The following ANP32A variants were observed in gnomAD, a reference collection of about 807,000 sequenced individuals.
ANP32A encodes the protein acidic leucine-rich nuclear phosphoprotein 32 family member A.
In ANP32A, 1 loss-of-function variant was observed where a neutral mutation model predicts 33.9. The ratio of observed to expected loss-of-function variants is 0.03; its 90% CI spans 0.01 to 0.14. ANP32A has a LOEUF of 0.14. Ranked by LOEUF, ANP32A falls within the 10% of genes least tolerant of loss-of-function variation. ANP32A has a pLI of 1.00. For synonymous variants in ANP32A, 115 were observed against 120.5 expected, an observed-to-expected ratio of 0.95 and a Z score of 0.30; for missense variants, 155 against 306.0, an observed-to-expected ratio of 0.51 and a Z score of 3.68.
chr15:68,805,914 A>G (rs542863748), intron 1 of ANP32A, among the ~76,000 whole-genome samples: 39 of 152,300 alleles, frequency 2.6e-4, no homozygotes, highest in South Asian at 6.2e-4. Flanking sequence ...AGCATAGGTG[A>G]TGTGTCTGTC....
intron 1 of ANP32A, among the ~76,000 whole-genome samples, chr15:68,803,899 T>C (rs1391826888): frequency 6.7e-6 from 1 of 149,164 alleles, no homozygotes; most frequent in Non-Finnish European, 1.5e-5. Flanking sequence ...CCTCCCAGGT[T>C]CAAGGGATTC....
At chr15:68,802,583 G>A (rs750452572) in intron 1 of ANP32A, among the ~76,000 whole-genome samples, 112 of 152,128 alleles carry the variant, frequency 7.4e-4, no homozygotes, top group Non-Finnish European at 1.4e-3. Flanking sequence ...CCTAGCTTAC[G>A]GATAAGAGCT....
chr15:68,788,037 G>A (rs1893954775), intron 1 of ANP32A, 118 bp from the exon 2 acceptor site: 2 of 1,257,032 alleles, frequency 1.6e-6, no homozygotes, highest in Non-Finnish European at 2.3e-6. Flanking sequence ...CAGTCACTCC[G>A]TCACTTCTTC....
intron 3 of ANP32A, chr15:68,787,110 G>T: frequency 2.9e-6 from 1 of 341,630 alleles, no homozygotes; most frequent in Non-Finnish European, 5.5e-6. Context: ...TTACAGCTCA[G>T]GTTTCCAAAG....
intron 1 of ANP32A, among the ~76,000 whole-genome samples, chr15:68,795,423 C>G (rs1172214736): frequency 6.6e-6 from 1 of 152,218 alleles, no homozygotes; most frequent in Non-Finnish European, 1.5e-5. Context: ...CCAAGGAACA[C>G]AAGCTGAGGC....
chr15:68,783,449 G>C (rs3784358), intron 4 of ANP32A, among the ~76,000 whole-genome samples: 1 of 152,146 alleles, frequency 6.6e-6, no homozygotes, highest in Non-Finnish European at 1.5e-5. Context: ...GTCACGCATC[G>C]AGTCACTAGT....
Position 68,780,278 on chromosome 15 carries a change from AG to A in ANP32A, c.688+131del, listed in dbSNP as rs1374076637. The A allele has an allele frequency of 1.3e-6, 2 of 1,564,110 alleles. No homozygotes were observed. The highest frequency in any genetic ancestry group is 2.7e-5 in the African/African-American group (2 of 73,468). ...GGAAACCGAGGCAAGACATCTGCAC[AG>A]CTGGAAGGGGAATCTGAGGCCTCTG... On this transcript the variant is annotated intron_variant, in intron 6 of 6. Coordinates refer to ENST00000465139, the MANE Select transcript of ANP32A (RefSeq NM_006305.4). The surrounding 1 kb of genome is among the most constrained non-coding windows in gnomAD (Gnocchi z 4.3).
chr15:68,818,563 G>C (rs140516627), intron 1 of ANP32A, among the ~76,000 whole-genome samples: 2 of 152,172 alleles, frequency 1.3e-5, no homozygotes, highest in South Asian at 2.1e-4. Flanking sequence ...GCTGGGAGGC[G>C]AGGGGGCGAA....
intron 3 of ANP32A, among the ~76,000 whole-genome samples, chr15:68,785,867 TC>T (rs148617430): frequency 0.033 from 5,028 of 152,316 alleles, 125 homozygotes; most frequent in African/African-American, 0.066. Context: ...AAAGACTTTT[TC>T]CTTTTGTAAT....
intron 1 of ANP32A, among the ~76,000 whole-genome samples, chr15:68,797,322 G>A (rs938824548): frequency 3.3e-5 from 5 of 152,210 alleles, no homozygotes; most frequent in Admixed American, 2.0e-4. Context: ...AGATCCATGA[G>A]CTGACAATTC....
At chr15:68,810,381 T>A (rs2090507485) in intron 1 of ANP32A, among the ~76,000 whole-genome samples, 1 of 152,022 alleles carries the variant, frequency 6.6e-6, no homozygotes. Flanking sequence ...CAGACAAGAC[T>A]TGTGATGATG....
At chr15:68,809,163 C>T (rs1894279792) in intron 1 of ANP32A, among the ~76,000 whole-genome samples, 1 of 152,162 alleles carries the variant, frequency 6.6e-6, no homozygotes, top group African/African-American at 2.4e-5. Context: ...ACAGCCTAAA[C>T]AAAGAGCACC....
In ANP32A at chr15:68,801,333, C is replaced by T. The variant is rs1014542543; in HGVS notation, c.55-13414G>A. 9.2e-5 allele frequency among the ~76,000 whole-genome samples: 14 copies of T among 151,742 alleles called. 1 individual carries two copies. In the South Asian group the frequency reaches 2.9e-3, roughly 32 times the overall value. Reference sequence around the variant, plus strand: ...GGCCTAATCTACACCCCGGACATCTCCTATGGGAGAATGTTTTGATTATGG... The same window carrying T: ...GGCCTAATCTACACCCCGGACATCTTCTATGGGAGAATGTTTTGATTATGG... On this transcript the variant is annotated intron_variant, in intron 1 of 6. Coordinates refer to ENST00000465139, the MANE Select transcript of ANP32A (RefSeq NM_006305.4).
At chr15:68,818,355 AG>A in intron 1 of ANP32A, 1 of 179,262 alleles carries the variant, frequency 5.6e-6, no homozygotes, top group Non-Finnish European at 1.2e-5. Context: ...CGCGGCGGGG[AG>A]GGGCGCAGGG....
At chr15:68,814,172 AG>A (rs1218579257) in intron 1 of ANP32A, among the ~76,000 whole-genome samples, 1 of 151,716 alleles carries the variant, frequency 6.6e-6, no homozygotes, top group African/African-American at 2.4e-5. Context: ...CCCAGCCTCC[AG>A]GAAGTTTTTT....
intron 1 of ANP32A, among the ~76,000 whole-genome samples, chr15:68,802,940 C>A (rs1894158715): frequency 6.6e-6 from 1 of 152,172 alleles, no homozygotes; most frequent in South Asian, 2.1e-4. Flanking sequence ...AGACGTGAGC[C>A]ATTGTGCCCA....
At chr15:68,819,936 G>A (rs920099812) in intron 1 of ANP32A, among the ~76,000 whole-genome samples, 4 of 152,204 alleles carry the variant, frequency 2.6e-5, no homozygotes, top group Admixed American at 2.0e-4. Context: ...GGGAGAAAGA[G>A]GAGGAGAGGA....
intron 5 of ANP32A, among the ~76,000 whole-genome samples, chr15:68,782,452 G>C (rs1397752758): frequency 6.6e-6 from 1 of 152,132 alleles, no homozygotes; most frequent in Non-Finnish European, 1.5e-5. Context: ...CACAGATCTT[G>C]TTAAAAAACT....
intron 1 of ANP32A, among the ~76,000 whole-genome samples, chr15:68,819,974 G>A (rs2140378493): frequency 6.6e-6 from 1 of 152,306 alleles, no homozygotes. Flanking sequence ...GAGGGAGGGA[G>A]AGAAAGGGCG....
Sources: gnomAD v4.1 joint callset for allele counts (sites outside exome capture counted in the v4.1 genomes callset) on GRCh38, gnomAD v4.1.1 for gene constraint, Gnocchi (gnomAD v3.1) non-coding constraint, MANE v1.5 for transcripts, NCBI Gene and HGNC (gene_info 2026-07-23, HGNC 2026-07-21) for gene names.